Variants in USP34 observed in about 807,000 individuals in gnomAD.
The protein encoded by USP34 is ubiquitin specific peptidase 34.
A neutral mutation model predicts 460.3 loss-of-function variants in USP34; 70 were observed. The observed-to-expected ratio is 0.15, with a 90% confidence interval of 0.13 to 0.19. The LOEUF (loss-of-function observed/expected upper bound fraction) is 0.19. Among genes scored for constraint, USP34 ranks in the 10% least tolerant of loss-of-function variants. USP34 has a pLI of 1.00. For synonymous variants in USP34, 1,647 were observed against 1,405.3 expected (o/e 1.17, Z -3.85); for missense variants, 3,985 against 4,236.2 (o/e 0.94, Z 1.65).
chr2:61,193,012 T>C, intron 75 of USP34, 32 bp from the exon 76 acceptor site: 1 of 1,546,312 alleles, frequency 6.5e-7, no homozygotes, highest in Non-Finnish European at 8.9e-7. Context: ...GAATAGGTTA[T>C]AATTATAAAT....
In USP34 at chr2:61,293,480, T is replaced by C. The variant is rs1689925158; in HGVS notation, c.4532A>G (p.Gln1511Arg). The change falls in exon 33 of 80, where the codon CAG (glutamine) becomes CGG (arginine). Residue 1511 changes from glutamine to arginine, a missense_variant. Gln to Arg is a conservative substitution (Grantham distance 43). This residue lies in a region of USP34 where 1,114 missense variants were observed against 1,122.5 expected (regional missense o/e 0.99). Transcript: ENST00000398571. ...FNSGILEPKE[Q>R]ESWTVWQLDC... ...TGCACTTACCACAGTCCATGATTCC[T>C]GCTCTTTAGGCTCTAGAATTCCAGA... 2.6e-5 allele frequency: 42 copies of C among 1,612,752 alleles called. 1 individual carries two copies. The highest frequency in any genetic ancestry group is 3.3e-5 in the Non-Finnish European group (39 of 1,179,266).
Position 61,188,020 on chromosome 2 carries a change from C to T in USP34, c.*82G>A. On this transcript the variant is annotated 3_prime_UTR_variant, in exon 80 of 80. Transcript: ENST00000398571. Reference sequence around the variant, plus strand: ...AGAGAGCACTGGACAAACTGAAGCACAAAAACAAATAAGCAAAACTTATAC... The same window carrying T: ...AGAGAGCACTGGACAAACTGAAGCATAAAAACAAATAAGCAAAACTTATAC... The T allele has an allele frequency of 6.6e-7, 1 of 1,523,652 alleles. No homozygotes were observed. The allele number at this position is 1,523,652 out of a possible 1,614,324, so 94.4% of individuals were successfully genotyped here. A position where few individuals can be genotyped will look rare whatever the true frequency, so the allele number is the denominator to read the frequency against.
At chr2:61,388,032 C>A (rs1009953898) in intron 5 of USP34, among the ~76,000 whole-genome samples, 1 of 151,200 alleles carries the variant, frequency 6.6e-6, no homozygotes, top group South Asian at 2.1e-4. Context: ...TTTGGAAGGC[C>A]AAGGATGGAG....
At chr2:61,317,976 G>A (rs1572929775) in intron 22 of USP34, among the ~76,000 whole-genome samples, 2 of 152,114 alleles carry the variant, frequency 1.3e-5, no homozygotes, top group South Asian at 2.1e-4. Flanking sequence ...CAGATCGCTT[G>A]AGCTCAGGAG....
chr2:61,468,232 C>T (rs776826393), intron 1 of USP34, among the ~76,000 whole-genome samples: 1 of 152,350 alleles, frequency 6.6e-6, no homozygotes, highest in South Asian at 2.1e-4. Flanking sequence ...GTTGCCCAGG[C>T]TGGAGTGCAA....
chr2:61,467,257 C>T (rs1695798469), intron 1 of USP34, among the ~76,000 whole-genome samples: 1 of 151,472 alleles, frequency 6.6e-6, no homozygotes, highest in African/African-American at 2.4e-5. Context: ...GAGCCGAAAC[C>T]GTGCCACTGC....
chr2:61,190,819 T>G, intron 76 of USP34, 161 bp from the exon 77 acceptor site: 2 of 786,314 alleles, frequency 2.5e-6, no homozygotes, highest in Non-Finnish European at 1.9e-6. Flanking sequence ...ATTGAATTTT[T>G]AGTTAACAGC....
At position 61,211,797 on chromosome 2, in the gene USP34, G is replaced by A. The variant is rs762407899; in HGVS notation, c.8815C>T (p.Arg2939Cys). The A allele has an allele frequency of 5.7e-6, 9 of 1,585,440 alleles. No individual in the cohort carries two copies. The South Asian group carries it at 5.8e-5, about 10-fold the overall frequency. ...CTTATTAAAGTAGTCCAGCAGGAGCGGCCATCTAAGCAACGTAAGTAACAA... is the reference window on the plus strand; with the variant it reads ...CTTATTAAAGTAGTCCAGCAGGAGCAGCCATCTAAGCAACGTAAGTAACAA... ...ISCYLRCLDG[R>C]SCWTTLISAF... Residue 2939 changes from arginine (R) to cysteine (C), a missense_variant, in exon 69 of 80, where the codon CGC (arginine) becomes TGC (cysteine). Around this residue, in one of 14 missense-constraint regions of USP34, gnomAD observed 275 missense variants for 292.7 expected, o/e 0.94. Transcript: ENST00000398571.
intron 61 of USP34, 45 bp from the exon 62 acceptor site, chr2:61,227,263 TATC>T (rs765677049): frequency 9.6e-6 from 15 of 1,555,990 alleles, no homozygotes; most frequent in Non-Finnish European, 1.3e-5. Context: ...GTAGTTTTAA[TATC>T]ATTTTGAGAA....
chr2:61,267,509 C>T (rs1291968275), intron 41 of USP34, among the ~76,000 whole-genome samples: 1 of 150,634 alleles, frequency 6.6e-6, no homozygotes, highest in Non-Finnish European at 1.5e-5. Flanking sequence ...GTGGCACAAT[C>T]TCGGCTCACT....
intron 5 of USP34, among the ~76,000 whole-genome samples, chr2:61,390,259 T>C (rs1006923734): frequency 6.6e-6 from 1 of 152,212 alleles, no homozygotes; most frequent in South Asian, 2.1e-4. Flanking sequence ...TAAAAGGTGT[T>C]ATGTATGAAA....
At chr2:61,459,405 T>A (rs181338203) in intron 1 of USP34, among the ~76,000 whole-genome samples, 1 of 152,322 alleles carries the variant, frequency 6.6e-6, no homozygotes, top group East Asian at 1.9e-4. Flanking sequence ...ATCATCACTG[T>A]GTTAAATATA....
At chr2:61,428,339 C>T (rs1205866308) in intron 1 of USP34, among the ~76,000 whole-genome samples, 1 of 151,304 alleles carries the variant, frequency 6.6e-6, no homozygotes, top group African/African-American at 2.4e-5. Flanking sequence ...TCCTGACTTT[C>T]ACGTAGAAAT....
intron 5 of USP34, among the ~76,000 whole-genome samples, chr2:61,394,533 C>CAAAAAAA (rs200686763): frequency 2.7e-5 from 3 of 110,056 alleles, no homozygotes; most frequent in African/African-American, 3.6e-5. Flanking sequence ...CCCTCTCTCT[C>CAAAAAAA]AAAAAAAAAA....
At chr2:61,356,179 T>TAA (rs79679650) in intron 10 of USP34, among the ~76,000 whole-genome samples, 14 of 138,814 alleles carry the variant, frequency 1.0e-4, no homozygotes, top group Non-Finnish European at 1.6e-4. Context: ...TGAATGAATT[T>TAA]AAAAAAAAAA....
chr2:61,253,693 C>T lies in USP34; in HGVS notation c.6221+2691G>A, dbSNP rs116958550. Among the ~76,000 whole-genome samples, 8 of 151,990 alleles carry T rather than the reference C, an allele frequency of 5.3e-5. No homozygotes were observed. The East Asian group carries it at 1.5e-3, about 29-fold the overall frequency. ...CATCTAGAAAAATCCTTTGTTTGAG[C>T]CCCAAGACTCTTTCTGGCTACTATT... On this transcript the variant is annotated intron_variant, in intron 48 of 79. Transcript: ENST00000398571.
At chr2:61,460,980 CAA>C (rs1168262727) in intron 1 of USP34, among the ~76,000 whole-genome samples, 3 of 81,066 alleles carry the variant, frequency 3.7e-5, no homozygotes, top group Non-Finnish European at 2.5e-5. Context: ...GACTCCATCT[CAA>C]AAAAAAAAAA....
intron 8 of USP34, among the ~76,000 whole-genome samples, chr2:61,373,119 G>A (rs1274495020): frequency 6.6e-6 from 1 of 152,090 alleles, no homozygotes; most frequent in African/African-American, 2.4e-5. Context: ...CAGTATGAAT[G>A]TCAAGAAGTT....
intron 53 of USP34, among the ~76,000 whole-genome samples, chr2:61,241,242 A>G (rs531764676): frequency 6.6e-6 from 1 of 152,054 alleles, no homozygotes; most frequent in East Asian, 1.9e-4. Flanking sequence ...ACAGAGTTTC[A>G]CCATTTGGCC....
Sources: gnomAD v4.1 joint callset for allele counts (sites outside exome capture counted in the v4.1 genomes callset) on GRCh38, gnomAD v4.1.1 for gene constraint, gnomAD v4.1.1 regional missense constraint, MANE v1.5 for transcripts, NCBI Gene and HGNC (gene_info 2026-07-23, HGNC 2026-07-21) for gene names.